PIGB: variants seen among roughly 807,000 people sequenced by gnomAD.
PIGB encodes the protein phosphatidylinositol glycan anchor biosynthesis class B.
In PIGB, 58 loss-of-function variants were observed where a neutral mutation model predicts 68.4. The observed-to-expected ratio is 0.85, with a 90% CI of 0.69 to 1.06. The LOEUF (loss-of-function observed/expected upper bound fraction) is 1.06, where lower values mean the gene tolerates loss of function less well. Ranked by LOEUF, PIGB falls within the 50% of genes least tolerant of loss-of-function variation. The pLI is 0.00. For missense variants in PIGB, 634 were observed against 655.8 expected (o/e 0.97, Z 0.36); for synonymous variants, 219 against 220.5 (o/e 0.99, Z 0.06).
chr15:55,320,157 G>A lies in PIGB; in HGVS notation c.164-118G>A, dbSNP rs1595763723. The A allele has an allele frequency of 3.9e-5, 31 of 804,634 alleles. No homozygotes were observed. In the South Asian group the frequency reaches 4.7e-4, roughly 12 times the overall value. The allele number at this position is 804,634 out of a possible 1,614,324, so 49.8% of individuals were successfully genotyped here. On this transcript the variant is annotated intron_variant, in intron 1 of 11. Transcript: ENST00000164305. ...AGTTGGCTTTAAGAATGGTGTGGAG[G>A]GACCAGAGGTCACTACTGTGCCTTA...
intron 5 of PIGB, among the ~76,000 whole-genome samples, chr15:55,332,802 G>T (rs1010617544): frequency 6.6e-6 from 1 of 151,990 alleles, no homozygotes; most frequent in African/African-American, 2.4e-5. Context: ...ACTATCCATA[G>T]TCCTCATGAT....
intron 2 of PIGB, among the ~76,000 whole-genome samples, chr15:55,320,842 A>C (rs1275910712): frequency 6.6e-6 from 1 of 152,210 alleles, no homozygotes; most frequent in Non-Finnish European, 1.5e-5. Context: ...TTCCCCAAAT[A>C]ATTTTAACTC....
At chr15:55,325,319 C>A (rs1031809472) in intron 3 of PIGB, among the ~76,000 whole-genome samples, 1 of 152,030 alleles carries the variant, frequency 6.6e-6, no homozygotes, top group Admixed American at 6.6e-5. Context: ...GAGTGAGACT[C>A]TGTCTCACAC....
chr15:55,337,257 T>C (rs991082303), intron 6 of PIGB, among the ~76,000 whole-genome samples: 1 of 152,200 alleles, frequency 6.6e-6, no homozygotes, highest in African/African-American at 2.4e-5. Flanking sequence ...ACTAATACAC[T>C]ATTTTGGAAA....
intron 5 of PIGB, among the ~76,000 whole-genome samples, chr15:55,330,351 A>C (rs906768414): frequency 6.6e-5 from 10 of 152,236 alleles, no homozygotes; most frequent in Non-Finnish European, 8.8e-5. Flanking sequence ...GATGCTGTCC[A>C]TTCAGGTCAG....
At chr15:55,350,584 T>G (rs2055899185) in intron 9 of PIGB, 115 bp from the exon 10 acceptor site, 2 of 703,148 alleles carry the variant, frequency 2.8e-6, no homozygotes, top group South Asian at 3.5e-5. Context: ...ATTTCTTATT[T>G]GTCTATAACA....
At chr15:55,337,434 AC>A (rs759542945) in intron 6 of PIGB, among the ~76,000 whole-genome samples, 4 of 152,152 alleles carry the variant, frequency 2.6e-5, no homozygotes, top group Non-Finnish European at 5.9e-5. Context: ...CCTGAGCTCC[AC>A]CTCCTGTCAC....
At chr15:55,337,334 C>A (rs552394813) in intron 6 of PIGB, among the ~76,000 whole-genome samples, 1 of 152,314 alleles carries the variant, frequency 6.6e-6, no homozygotes, top group African/African-American at 2.4e-5. Context: ...CAGGGGTCAC[C>A]AGTCCCAAGG....
chr15:55,320,638 A>G (rs2141157940), intron 2 of PIGB, among the ~76,000 whole-genome samples: 1 of 152,352 alleles, frequency 6.6e-6, no homozygotes, highest in East Asian at 1.9e-4. Context: ...AATTAGGTAC[A>G]GTAAGAGATT....
At chr15:55,328,757 G>A (rs540978082) in intron 4 of PIGB, among the ~76,000 whole-genome samples, 3 of 152,272 alleles carry the variant, frequency 2.0e-5, no homozygotes, top group East Asian at 1.9e-4. Context: ...CACAAGGTCC[G>A]GAGTTCGAGA....
intron 10 of PIGB, chr15:55,351,948 CTTCTT>C (rs1566960761): frequency 8.0e-6 from 1 of 125,172 alleles, no homozygotes; most frequent in African/African-American, 3.6e-5. Flanking sequence ...TTAAACTAGA[CTTCTT>C]TTTTTTTTTT....
chr15:55,341,865 C>G (rs2055679059), intron 9 of PIGB, 63 bp downstream of exon 9: 3 of 614,066 alleles, frequency 4.9e-6, no homozygotes, highest in Non-Finnish European at 7.8e-6. Context: ...ACAACACATC[C>G]TCATTAAACT....
intron 9 of PIGB, among the ~76,000 whole-genome samples, chr15:55,346,111 G>A (rs1050144397): frequency 2.0e-5 from 3 of 152,216 alleles, no homozygotes; most frequent in Non-Finnish European, 2.9e-5. Context: ...AAGAAGGAAC[G>A]TATTAGTGAT....
Position 55,341,735 on chromosome 15 carries a change from C to T in PIGB, c.1059-3C>T, listed in dbSNP as rs2055676098. On this transcript the variant is annotated splice_polypyrimidine_tract_variant and splice_region_variant and intron_variant, in intron 8 of 11. Coordinates refer to ENST00000164305, the MANE Select transcript of PIGB (RefSeq NM_004855.5). Reference sequence around the variant, plus strand: ...TTTTTAATAATATTTGTTTTTATTACAGCATGTTGAGCCACAAAGAATTCA... The same window carrying T: ...TTTTTAATAATATTTGTTTTTATTATAGCATGTTGAGCCACAAAGAATTCA... 7.4e-7 allele frequency: 1 copy of T among 1,354,886 alleles called. No individual in the cohort carries two copies. Among genetic ancestry groups the T allele is most frequent in the Non-Finnish European group, 9.9e-7 (1 of 1,007,796 alleles). 83.9% of individuals were successfully genotyped at this position (1,354,886 alleles called of 1,614,324 possible). A position where few individuals can be genotyped will look rare whatever the true frequency, so the allele number is the denominator to read the frequency against.
At chr15:55,355,214 A>G in intron 11 of PIGB, 72 bp from the exon 12 acceptor site, 2 of 1,229,500 alleles carry the variant, frequency 1.6e-6, no homozygotes, top group Middle Eastern at 2.3e-4. Flanking sequence ...AGAATAGGCA[A>G]TTCTAAAATT....
chr15:55,350,536 A>G, intron 9 of PIGB, 163 bp from the exon 10 acceptor site: 1 of 615,538 alleles, frequency 1.6e-6, no homozygotes, highest in Non-Finnish European at 2.9e-6. Context: ...AGATGACAGT[A>G]GTGAATGGTG....
chr15:55,333,881 C>T lies in PIGB; in HGVS notation c.668C>T (p.Ser223Phe). The change falls in exon 6 of 12, where the codon TCC becomes TTC. Residue 223 changes from serine (S) to phenylalanine (F), a missense_variant. Coordinates refer to ENST00000164305, the MANE Select transcript of PIGB (RefSeq NM_004855.5). ...TCCTCTTATAGTGTCAAATACTCAT[C>T]CCTGGTGGCACTTGCCTTCATAATT... ...SKSMNSVKYS[S>F]LVALAFIIRP... The T allele has an allele frequency of 3.7e-6, 6 of 1,602,128 alleles. No homozygotes were observed. The highest frequency in any genetic ancestry group is 2.3e-5 in the South Asian group (2 of 88,726).
chr15:55,344,528 T>C (rs1321836474), intron 9 of PIGB, among the ~76,000 whole-genome samples: 1 of 152,210 alleles, frequency 6.6e-6, no homozygotes, highest in Non-Finnish European at 1.5e-5. Context: ...AACCTCATAG[T>C]GGGATGGGAC....
At chr15:55,339,670 C>T (rs143289199) in intron 7 of PIGB, among the ~76,000 whole-genome samples, 120 of 152,202 alleles carry the variant, frequency 7.9e-4, no homozygotes, top group African/African-American at 2.7e-3. Context: ...CCACACAGTC[C>T]AAAAAATATG....
Sources: allele counts gnomAD v4.1 joint callset (sites outside exome capture counted in the v4.1 genomes callset), GRCh38; gene constraint gnomAD v4.1.1; transcripts MANE v1.5; gene names NCBI Gene and HGNC (gene_info 2026-07-23, HGNC 2026-07-21).